CCDC181: variants seen among roughly 807,000 people sequenced by gnomAD.
CCDC181 encodes coiled-coil domain-containing protein 181.
CCDC181 carries 35 observed loss-of-function variants against 58.7 expected under a neutral mutation model. That is an observed-to-expected ratio of 0.60 (90% CI 0.46 to 0.79). The LOEUF (loss-of-function observed/expected upper bound fraction) is 0.79. Ranked by LOEUF, CCDC181 falls within the 30% of genes least tolerant of loss-of-function variation. The pLI, the probability that CCDC181 is intolerant of heterozygous loss-of-function variation, is 0.00. For missense variants in CCDC181, 517 were observed against 583.9 expected, an observed-to-expected ratio of 0.89 and a Z score of 1.18; for synonymous variants, 183 against 197.5, an observed-to-expected ratio of 0.93 and a Z score of 0.62.
chr1:169,410,586 T>C (rs1655912418), intron 4 of CCDC181, among the ~76,000 whole-genome samples: 1 of 152,196 alleles, frequency 6.6e-6, no homozygotes, highest in African/African-American at 2.4e-5. Flanking sequence ...CAATAAAATA[T>C]ACATTCTTCT....
intron 3 of CCDC181, among the ~76,000 whole-genome samples, chr1:169,419,920 C>T (rs1256244991): frequency 6.6e-6 from 1 of 152,134 alleles, no homozygotes; most frequent in African/African-American, 2.4e-5. Context: ...AAAGCCTTCC[C>T]CTGAAACCAA....
Position 169,413,529 on chromosome 1 carries a change from G to A in CCDC181, c.1215+5484C>T, listed in dbSNP as rs116047154. 9.7e-3 allele frequency among the ~76,000 whole-genome samples: 1,471 copies of A among 152,152 alleles called. 26 individuals carry two copies. The highest frequency in any genetic ancestry group is 0.032 in the African/African-American group (1,342 of 41,496). ...AATCCCATTACTGGATTATATACCC[G>A]AAGGATTATAAATTATTCTACTATA... On this transcript the variant is annotated intron_variant, in intron 4 of 5. Coordinates refer to ENST00000367806, the MANE Select transcript of CCDC181 (RefSeq NM_001300969.2).
At chr1:169,419,546 C>T (rs538564560) in intron 3 of CCDC181, among the ~76,000 whole-genome samples, 17 of 151,956 alleles carry the variant, frequency 1.1e-4, no homozygotes, top group Non-Finnish European at 2.4e-4. Flanking sequence ...TTTGATTGAA[C>T]AGAAGGAAGG....
At chr1:169,442,289 A>G (rs1199692713) in intron 2 of CCDC181, among the ~76,000 whole-genome samples, 1 of 152,166 alleles carries the variant, frequency 6.6e-6, no homozygotes, top group Non-Finnish European at 1.5e-5. Context: ...TATTTGGAAT[A>G]TATCAGCAAA....
At chr1:169,420,613 C>A (rs1461714400) in intron 3 of CCDC181, among the ~76,000 whole-genome samples, 1 of 152,072 alleles carries the variant, frequency 6.6e-6, no homozygotes, top group East Asian at 1.9e-4. Context: ...TCTGTAAGGT[C>A]ACTTCTCATG....
chr1:169,406,671 G>T (rs374842750), intron 4 of CCDC181, among the ~76,000 whole-genome samples: 11 of 152,034 alleles, frequency 7.2e-5, no homozygotes, highest in Admixed American at 2.6e-4. Flanking sequence ...AGCATTAAGC[G>T]ATATACCTAA....
chr1:169,419,445 T>G (rs1473467695), intron 3 of CCDC181, among the ~76,000 whole-genome samples: 5 of 152,184 alleles, frequency 3.3e-5, no homozygotes, highest in African/African-American at 9.6e-5. Flanking sequence ...CTGGGCTAAT[T>G]TAACAAGTTC....
At position 169,457,865 on chromosome 1, in the gene CCDC181, C is replaced by T. The variant is rs555693477; in HGVS notation, c.-24+1932G>A. Among the ~76,000 whole-genome samples the T allele has an allele frequency of 5.6e-3, 856 of 152,226 alleles. 4 individuals carry two copies. Among genetic ancestry groups the T allele is most frequent in the Non-Finnish European group, 9.5e-3 (647 of 67,988 alleles). ...ATCTGTGTGCCCCTTCTTAAGTATA[C>T]CTTTCTTCATCTTTCTAGAAATAAA... On this transcript the variant is annotated intron_variant, in intron 2 of 6. Transcript: ENST00000545005.
In CCDC181 at chr1:169,406,704, G is replaced by A. The variant is rs575136511; in HGVS notation, c.1216-9313C>T. ...TAATGTAAAGGATGAGTTAACGGGT[G>A]CAGCACACCAACATGGCACATGTAT... On this transcript the variant is annotated intron_variant, in intron 4 of 5. Transcript: ENST00000367806. 3.9e-5 allele frequency among the ~76,000 whole-genome samples: 6 copies of A among 152,028 alleles called. No individual in the cohort carries two copies. In the South Asian group the frequency reaches 6.2e-4, roughly 16 times the overall value.
upstream of CCDC181, among the ~76,000 whole-genome samples, chr1:169,430,444 G>C (rs945822031): frequency 6.6e-6 from 1 of 152,132 alleles, no homozygotes; most frequent in Admixed American, 6.5e-5. Flanking sequence ...GCTTCCATTT[G>C]TTTGTGTCAT....
In CCDC181 at chr1:169,419,011, ACT is replaced by A. The variant is rs1226325517; in HGVS notation, c.1215_1215+1del. On this transcript the variant is annotated splice_donor_variant and coding_sequence_variant, in exon 4 of 6. Coordinates refer to ENST00000367806, the MANE Select transcript of CCDC181 (RefSeq NM_001300969.2). LOFTEE classifies it high-confidence loss of function. ...CTTATTTTTCAGAGAAGTTTTACTT[ACT>A]CTACTGTTCATGTCTTCAATTTCCT... is the stretch of plus-strand genomic sequence containing the variant. 6.2e-7 allele frequency: 1 copy of A among 1,604,004 alleles called. No individual in the cohort carries two copies. The highest frequency in any genetic ancestry group is 8.5e-7 in the Non-Finnish European group (1 of 1,171,880).
intron 5 of CCDC181, 120 bp from the exon 6 acceptor site, chr1:169,395,326 G>C: frequency 1.2e-6 from 1 of 865,598 alleles, no homozygotes; most frequent in Admixed American, 3.6e-5. Flanking sequence ...TACTGTCACA[G>C]CACAAATTTT....
Position 169,424,827 on chromosome 1 carries a change from TC to T in CCDC181, c.100del (p.Asp34MetfsTer4). 6.3e-7 allele frequency: 1 copy of T among 1,582,862 alleles called. No homozygotes were observed. The highest frequency in any genetic ancestry group is 8.7e-7 in the Non-Finnish European group (1 of 1,154,980). On this transcript the variant is annotated frameshift_variant, in exon 2 of 6. Transcript: ENST00000367806. LOFTEE classifies it high-confidence loss of function. ...AATATATACCTCTATTATGCTGGCATCACTTTTTTCATTTTCATTAATTAAC... is the reference window on the plus strand; with the variant it reads ...AATATATACCTCTATTATGCTGGCATACTTTTTTCATTTTCATTAATTAAC... ...EWLINENEKSDASIIEMACEK... is the reference protein window; with the variant it reads ...EWLINENEKSXASIIEMACEK...
exon 1 of CCDC181, chr1:169,460,529 A>G (rs1356923751): frequency 1.3e-5 from 2 of 152,352 alleles, no homozygotes; most frequent in Non-Finnish European, 2.9e-5. Context: ...GCACGCGGAG[A>G]AGGGGTAGGT....
At chr1:169,438,737 C>G (rs1019046969) in intron 2 of CCDC181, among the ~76,000 whole-genome samples, 2 of 152,114 alleles carry the variant, frequency 1.3e-5, no homozygotes, top group African/African-American at 4.8e-5. Flanking sequence ...GAGCGAATAG[C>G]CACCCTGAGA....
intron 2 of CCDC181, among the ~76,000 whole-genome samples, chr1:169,459,438 C>T (rs1351840344): frequency 6.6e-6 from 1 of 152,122 alleles, no homozygotes; most frequent in African/African-American, 2.4e-5. Context: ...TGGCTCAATG[C>T]TGGAATCCCT....
chr1:169,395,524 T>TA (rs1367496004), intron 5 of CCDC181, among the ~76,000 whole-genome samples: 2 of 152,232 alleles, frequency 1.3e-5, no homozygotes, highest in African/African-American at 4.8e-5. Flanking sequence ...CAGGATTTCT[T>TA]ACTATTTGGT....
In CCDC181 at chr1:169,436,784, G is replaced by A. The variant is rs559244920; in HGVS notation, c.-23-11834C>T. Among the ~76,000 whole-genome samples, 3 of 152,248 alleles carry A rather than the reference G, an allele frequency of 2.0e-5. No homozygotes were observed. In the South Asian group the frequency reaches 6.2e-4, roughly 32 times the overall value. The stretch of plus-strand genomic sequence containing the variant: ...AATTTCATTCAATTTAGCCTGTTGA[G>A]CTCCTTAACTTCTGGGCCCACTGGG... On this transcript the variant is annotated intron_variant, in intron 2 of 6. Transcript: ENST00000545005.
intron 4 of CCDC181, among the ~76,000 whole-genome samples, chr1:169,405,409 C>A (rs1436492065): frequency 6.6e-6 from 1 of 152,212 alleles, no homozygotes; most frequent in Non-Finnish European, 1.5e-5. Context: ...GCAAACTACA[C>A]TGCAAGGATA....
Sources: allele counts gnomAD v4.1 joint callset (sites outside exome capture counted in the v4.1 genomes callset), GRCh38; gene constraint gnomAD v4.1.1; transcripts MANE v1.5; gene names NCBI Gene and HGNC (gene_info 2026-07-23, HGNC 2026-07-21).